The following RFX2 variants were observed in gnomAD, a reference collection of about 807,000 sequenced individuals.
RFX2 encodes regulatory factor X2.
A neutral mutation model predicts 87.8 loss-of-function variants in RFX2; 20 were observed. The ratio of observed to expected loss-of-function variants is 0.23; its 90% CI spans 0.16 to 0.33. RFX2 has a LOEUF of 0.33. RFX2 is among the 10% of genes least tolerant of loss of function. The pLI is 1.00. For synonymous variants in RFX2, 397 were observed against 431.3 expected (o/e 0.92, Z 0.98); for missense variants, 767 against 1,012.3 (o/e 0.76, Z 3.29).
intron 1 of RFX2, among the ~76,000 whole-genome samples, chr19:6,098,965 CAAAA>C (rs34110529): frequency 0.09 from 4,688 of 51,806 alleles, 21 homozygotes; most frequent in Non-Finnish European, 0.12. Flanking sequence ...GCTTGAACCA[CAAAA>C]AAAAAAAAAA....
At position 5,995,522 on chromosome 19, in the gene RFX2, G is replaced by A. The variant is rs2086394420; in HGVS notation, c.2056+79C>T. ...GCCCGCATTTCCACCTGTTCATCAT[G>A]AGATGGGGCAGACAGGCCACGGCCA... On this transcript the variant is annotated intron_variant, in intron 17 of 17. Coordinates refer to ENST00000303657, the MANE Select transcript of RFX2 (RefSeq NM_000635.4). The A allele has an allele frequency of 2.9e-6, 4 of 1,388,930 alleles. No homozygotes were observed. The South Asian group carries it at 4.9e-5, about 17-fold the overall frequency. The allele number at this position is 1,388,930 out of a possible 1,614,324, so 86.0% of individuals were successfully genotyped here.
chr19:6,062,593 AT>A (rs1280906166), intron 1 of RFX2, among the ~76,000 whole-genome samples: 1 of 152,208 alleles, frequency 6.6e-6, no homozygotes, highest in Non-Finnish European at 1.5e-5. Context: ...CCCCAACCCC[AT>A]GCCAAAGAGA....
chr19:6,035,850 G>GGGGTGTGT (rs1555776252), intron 5 of RFX2, among the ~76,000 whole-genome samples: 4 of 137,166 alleles, frequency 2.9e-5, no homozygotes, highest in African/African-American at 9.1e-5. Context: ...CTTGGTGGGG[G>GGGGTGTGT]GTGTGTGTGT....
rs1389512951 is a variant in RFX2, at chr19:6,056,952, C to T, written c.-8-9448G>A. ...GGCTTGGCTGGCCCAAAGCTCCCTC[C>T]CTCGTGCCTCAGAAATATGCCCGGA... On this transcript the variant is annotated intron_variant, in intron 1 of 17. Coordinates refer to ENST00000303657, the MANE Select transcript of RFX2 (RefSeq NM_000635.4). The surrounding 1 kb of genome is among the most constrained non-coding windows in gnomAD (Gnocchi z 4.6). Among the ~76,000 whole-genome samples the T allele has an allele frequency of 6.6e-6, 1 of 152,176 alleles. No homozygotes were observed. The highest frequency in any genetic ancestry group is 2.4e-5 in the African/African-American group (1 of 41,438).
intron 5 of RFX2, among the ~76,000 whole-genome samples, chr19:6,032,934 A>AT (rs2086970041): frequency 6.6e-6 from 1 of 152,198 alleles, no homozygotes; most frequent in Non-Finnish European, 1.5e-5. Flanking sequence ...ACATACAGGC[A>AT]TGTGCCACCA....
rs1407276209 is a variant in RFX2, at chr19:6,064,172, CA to C, written c.-8-16669del. On this transcript the variant is annotated intron_variant, in intron 1 of 17. Coordinates refer to ENST00000303657, the MANE Select transcript of RFX2 (RefSeq NM_000635.4). This position sits in a 1 kb window ranked among gnomAD's most constrained non-coding sequence, Gnocchi z 4.8. Reference sequence around the variant, plus strand: ...GTTTTGCAATGAACAAGAGAATGAGCAGCCCGCCTGCTCCGGGCTGCTCACC... The same window carrying C: ...GTTTTGCAATGAACAAGAGAATGAGCGCCCGCCTGCTCCGGGCTGCTCACC... Among the ~76,000 whole-genome samples, 2 of 152,180 alleles carry C rather than the reference CA, an allele frequency of 1.3e-5. No individual in the cohort carries two copies. The highest frequency in any genetic ancestry group is 6.5e-5 in the Admixed American group (1 of 15,284).
chr19:5,993,374 T>TGA lies in RFX2; in HGVS notation c.*1460_*1461insTC, dbSNP rs2086361388. Reference sequence around the variant, plus strand: ...TTCGTTTCTAAAGTGAGCACGCGTCTTTGTCTTCCTGCACCCCTCACTCTG... The same window carrying TGA: ...TTCGTTTCTAAAGTGAGCACGCGTCTGATTGTCTTCCTGCACCCCTCACTCTG... On this transcript the variant is annotated 3_prime_UTR_variant, in exon 18 of 18. Coordinates refer to ENST00000303657, the MANE Select transcript of RFX2 (RefSeq NM_000635.4). 1 of 152,222 alleles carries TGA rather than the reference T, an allele frequency of 6.6e-6. No homozygotes were observed. Among genetic ancestry groups the TGA allele is most frequent in the African/African-American group, 2.4e-5 (1 of 41,442 alleles). 9.4% of individuals were successfully genotyped at this position (152,222 alleles called of 1,614,324 possible). A position where few individuals can be genotyped will look rare whatever the true frequency, so the allele number is the denominator to read the frequency against.
intron 1 of RFX2, among the ~76,000 whole-genome samples, chr19:6,108,710 G>C (rs745900220): frequency 2.0e-5 from 3 of 152,190 alleles, no homozygotes; most frequent in South Asian, 2.1e-4. Flanking sequence ...AGCCTGGGGG[G>C]GCGGGGGTAA....
intron 1 of RFX2, among the ~76,000 whole-genome samples, chr19:6,106,590 A>T (rs1408398814): frequency 6.6e-6 from 1 of 152,088 alleles, no homozygotes; most frequent in Non-Finnish European, 1.5e-5. Context: ...GGCTGTGTTT[A>T]GTGGGAATGC....
At chr19:6,098,918 C>T (rs990327742) in intron 1 of RFX2, among the ~76,000 whole-genome samples, 1 of 143,906 alleles carries the variant, frequency 6.9e-6, no homozygotes, top group South Asian at 2.1e-4. Context: ...TTTGGGGTGA[C>T]CCCAAATGTA....
intron 1 of RFX2, among the ~76,000 whole-genome samples, chr19:6,069,963 A>C (rs1490082521): frequency 4.7e-5 from 7 of 147,696 alleles, no homozygotes; most frequent in South Asian, 2.2e-4. Context: ...AAGAAGGGAG[A>C]CTTGCAAGTG....
intron 1 of RFX2, among the ~76,000 whole-genome samples, chr19:6,066,250 G>C (rs897745849): frequency 3.9e-5 from 6 of 152,126 alleles, no homozygotes; most frequent in African/African-American, 1.4e-4. Flanking sequence ...TGAGGGCCAC[G>C]GGTGGACCCA....
chr19:6,041,764 A>T (rs930660320), intron 4 of RFX2, among the ~76,000 whole-genome samples: 2 of 151,522 alleles, frequency 1.3e-5, no homozygotes, highest in Non-Finnish European at 2.9e-5. Flanking sequence ...GTCAGGCGTG[A>T]TCATAGCTCA....
At chr19:6,005,760 G>A (rs1233422426) in intron 12 of RFX2, among the ~76,000 whole-genome samples, 1 of 152,180 alleles carries the variant, frequency 6.6e-6, no homozygotes, top group Admixed American at 6.5e-5. Flanking sequence ...CAGGCTGCAG[G>A]AGTCCAGGGC....
chr19:6,013,254 C>T lies in RFX2; in HGVS notation c.780-149G>A, dbSNP rs77794490. ...AGGCTGGAGTACAGCAGTGCCATCTCGGCTCACTGCAATCTCCGCCTCCCG... is the reference window on the plus strand; with the variant it reads ...AGGCTGGAGTACAGCAGTGCCATCTTGGCTCACTGCAATCTCCGCCTCCCG... On this transcript the variant is annotated intron_variant, in intron 7 of 17. Transcript: ENST00000303657. This position sits in a 1 kb window ranked among gnomAD's most constrained non-coding sequence, Gnocchi z 4.1. The T allele has an allele frequency of 5.4e-3, 3,722 of 695,196 alleles. 73 individuals are homozygous for T. The East Asian group carries it at 0.067, about 13-fold the overall frequency. The allele number at this position is 695,196 out of a possible 1,614,324, so 43.1% of individuals were successfully genotyped here. A position where few individuals can be genotyped will look rare whatever the true frequency, so the allele number is the denominator to read the frequency against.
intron 1 of RFX2, among the ~76,000 whole-genome samples, chr19:6,102,412 G>C (rs530243643): frequency 1.7e-4 from 26 of 152,378 alleles, no homozygotes; most frequent in Non-Finnish European, 3.1e-4. Context: ...TTGTATGAAT[G>C]AATGATGAAC....
At chr19:6,000,307 G>T (rs2086474518) in intron 15 of RFX2, among the ~76,000 whole-genome samples, 2 of 152,178 alleles carry the variant, frequency 1.3e-5, no homozygotes, top group Admixed American at 6.5e-5. Context: ...TTTCACGCTT[G>T]CCAGATAGTA....
intron 5 of RFX2, among the ~76,000 whole-genome samples, chr19:6,032,686 A>C (rs1295739533): frequency 6.6e-6 from 1 of 152,238 alleles, no homozygotes. Context: ...GCATGAGATC[A>C]CATTCACACT....
chr19:6,048,962 C>T (rs1313188257), intron 1 of RFX2, among the ~76,000 whole-genome samples: 5 of 151,552 alleles, frequency 3.3e-5, no homozygotes, highest in African/African-American at 1.2e-4. Flanking sequence ...CTGTGTGAGC[C>T]TGACTCACTT....
Sources: gnomAD v4.1 joint callset for allele counts (sites outside exome capture counted in the v4.1 genomes callset) on GRCh38, gnomAD v4.1.1 for gene constraint, Gnocchi (gnomAD v3.1) non-coding constraint, MANE v1.5 for transcripts, NCBI Gene and HGNC (gene_info 2026-07-23, HGNC 2026-07-21) for gene names.